Variants in SLC19A1 observed in about 807,000 individuals in gnomAD.
SLC19A1 encodes reduced folate transporter.
A neutral mutation model predicts 35.3 loss-of-function variants in SLC19A1; 37 were observed. That is an observed-to-expected ratio of 1.05 (90% confidence interval 0.81 to 1.38). SLC19A1 has a LOEUF of 1.38. Among genes scored for constraint, SLC19A1 ranks in the 40% most tolerant of loss-of-function variants. The pLI is 0.00. For synonymous variants in SLC19A1, 460 were observed against 398.5 expected (o/e 1.15, Z -1.84); for missense variants, 831 against 826.9 (o/e 1.00, Z -0.06).
intron 5 of SLC19A1, 82 bp downstream of exon 5, chr21:45,525,735 A>G (rs2077587976): frequency 4.0e-6 from 6 of 1,510,608 alleles, no homozygotes; most frequent in Non-Finnish European, 5.4e-6. Context: ...TGGGCTCCAC[A>G]TCAGGCGGGC....
At chr21:45,527,214 C>A (rs564964281) in intron 4 of SLC19A1, among the ~76,000 whole-genome samples, 1 of 130,466 alleles carries the variant, frequency 7.7e-6, no homozygotes, top group Non-Finnish European at 1.6e-5. Flanking sequence ...CCCGGGAGGG[C>A]CCTGGAGGTG....
At chr21:45,527,237 G>A (rs1275100766) in intron 4 of SLC19A1, among the ~76,000 whole-genome samples, 1 of 148,104 alleles carries the variant, frequency 6.8e-6, no homozygotes, top group Non-Finnish European at 1.5e-5. Context: ...TGGCAATTGG[G>A]GGGGAGGGGG....
At chr21:45,522,588 A>G (rs927031060) in intron 5 of SLC19A1, among the ~76,000 whole-genome samples, 1 of 152,212 alleles carries the variant, frequency 6.6e-6, no homozygotes, top group African/African-American at 2.4e-5. Flanking sequence ...CACTGGAAAC[A>G]AGTCTTTCAA....
At chr21:45,510,492 GCC>G (rs950172710), downstream of SLC19A1, among the ~76,000 whole-genome samples, 2 of 152,058 alleles carry the variant, frequency 1.3e-5, no homozygotes, top group African/African-American at 2.4e-5. Context: ...ATCCCATGAG[GCC>G]CCCCCGTGGC....
chr21:45,504,079 G>A (rs775399589), intron 3 of SLC19A1: 16 of 1,613,096 alleles, frequency 9.9e-6, no homozygotes, highest in Non-Finnish European at 1.1e-5. Context: ...TGTGGGGTTG[G>A]GGGCCCCCAA....
At chr21:45,512,431 C>T (rs376696662), downstream of SLC19A1, 87 of 1,596,126 alleles carry the variant, frequency 5.5e-5, no homozygotes, top group African/African-American at 4.8e-4. Context: ...CGGAGAGGAC[C>T]GGCGGCTCGG....
intron 1 of SLC19A1, among the ~76,000 whole-genome samples, chr21:45,542,001 C>G (rs1046750828): frequency 6.6e-6 from 1 of 152,072 alleles, no homozygotes; most frequent in Non-Finnish European, 1.5e-5. Context: ...GCCACCGCGA[C>G]CCCCGCGGAG....
intron 5 of SLC19A1, among the ~76,000 whole-genome samples, chr21:45,523,346 G>A (rs909008984): frequency 2.0e-5 from 3 of 152,206 alleles, no homozygotes; most frequent in Admixed American, 6.5e-5. Context: ...AAAAGTCCAT[G>A]TGTTTTTTTT....
At chr21:45,527,447 T>G (rs113695005) in intron 4 of SLC19A1, among the ~76,000 whole-genome samples, 2 of 76,284 alleles carry the variant, frequency 2.6e-5, no homozygotes, top group African/African-American at 5.3e-5. Flanking sequence ...TGGAGGTGAG[T>G]GGCAGCCAGG....
chr21:45,559,604 C>T (rs563292040), intron 1 of SLC19A1, among the ~76,000 whole-genome samples: 15 of 152,254 alleles, frequency 9.9e-5, no homozygotes, highest in South Asian at 6.2e-4. Flanking sequence ...AGGGAGCATC[C>T]GGCCAAACCT....
chr21:45,557,863 T>A (rs2078579095), intron 1 of SLC19A1, among the ~76,000 whole-genome samples: 1 of 152,168 alleles, frequency 6.6e-6, no homozygotes, highest in South Asian at 2.1e-4. Flanking sequence ...GGCCGTGCCC[T>A]CGGCACTCGG....
At chr21:45,535,269 C>T (rs1399695055) in intron 2 of SLC19A1, among the ~76,000 whole-genome samples, 2 of 152,242 alleles carry the variant, frequency 1.3e-5, no homozygotes, top group Non-Finnish European at 2.9e-5. Flanking sequence ...GAGCACCTCA[C>T]GGACTCGGCC....
intron 1 of SLC19A1, among the ~76,000 whole-genome samples, chr21:45,550,624 G>A (rs1273067019): frequency 6.6e-6 from 1 of 152,238 alleles, no homozygotes; most frequent in Admixed American, 6.5e-5. Flanking sequence ...CAGCAGCCCC[G>A]CCGGGAGGCT....
rs1360023978 is a variant in SLC19A1 at position 45,540,571 on chromosome 21, G to A, written c.-50+1797C>T. ...TGCCAGCATACTCAACTTATGTGCCGTGAACGTAGCCCACTGACAGAGGCT... is the reference window on the plus strand; with the variant it reads ...TGCCAGCATACTCAACTTATGTGCCATGAACGTAGCCCACTGACAGAGGCT... On this transcript the variant is annotated intron_variant, in intron 1 of 5. Coordinates refer to ENST00000311124, the MANE Select transcript of SLC19A1 (RefSeq NM_194255.4). The surrounding 1 kb of genome is among the most constrained non-coding windows in gnomAD (Gnocchi z 5.5). Among the ~76,000 whole-genome samples the A allele has an allele frequency of 6.6e-6, 1 of 152,228 alleles. No individual in the cohort carries two copies. The highest frequency in any genetic ancestry group is 2.4e-5 in the African/African-American group (1 of 41,460).
chr21:45,557,773 C>T (rs543347698), intron 1 of SLC19A1, among the ~76,000 whole-genome samples: 6 of 152,320 alleles, frequency 3.9e-5, no homozygotes, highest in East Asian at 1.9e-4. Flanking sequence ...GAGCTTGTCC[C>T]GGCTCAGGCT....
At chr21:45,561,740 G>A (rs897811475) in intron 1 of SLC19A1, among the ~76,000 whole-genome samples, 18 of 150,532 alleles carry the variant, frequency 1.2e-4, no homozygotes, top group African/African-American at 4.4e-4. Context: ...CAGCCTTGGG[G>A]ACACAGCGAG....
chr21:45,511,072 CCACACACCACACA>C, downstream of SLC19A1: 8 of 969,304 alleles, frequency 8.3e-6, no homozygotes, highest in Non-Finnish European at 1.2e-5. Flanking sequence ...ATCCACACCC[CCACACACCACACA>C]CACATACACA....
chr21:45,504,377 G>C (rs756084687), intron 3 of SLC19A1: 1 of 1,598,984 alleles, frequency 6.3e-7, no homozygotes, highest in Non-Finnish European at 8.5e-7. Context: ...GGCTTGTAGG[G>C]GTTCAGGGCT....
At position 45,534,516 on chromosome 21, in the gene SLC19A1, G is replaced by A. The variant is rs1346092337; in HGVS notation, c.190-2368C>T. The A allele has an allele frequency of 2.0e-6, 3 of 1,521,958 alleles. No individual in the cohort carries two copies. The highest frequency in any genetic ancestry group is 2.7e-5 in the African/African-American group (2 of 72,728). 94.3% of individuals were successfully genotyped at this position (1,521,958 alleles called of 1,614,324 possible). A position where few individuals can be genotyped will look rare whatever the true frequency, so the allele number is the denominator to read the frequency against. ...CGGCTCTCTGGAAAAGGGCGGCCAG[G>A]GGTCCTAGAAGCCTCACCCACCTCC... On this transcript the variant is annotated intron_variant, in intron 2 of 5. Coordinates refer to ENST00000311124, the MANE Select transcript of SLC19A1 (RefSeq NM_194255.4). This position sits in a 1 kb window ranked among gnomAD's most constrained non-coding sequence, Gnocchi z 4.2.
Sources: allele counts gnomAD v4.1 joint callset (sites outside exome capture counted in the v4.1 genomes callset), GRCh38; gene constraint gnomAD v4.1.1; non-coding constraint Gnocchi (gnomAD v3.1); transcripts MANE v1.5; gene names NCBI Gene and HGNC (gene_info 2026-07-23, HGNC 2026-07-21).